The following GSK3B variants were observed in gnomAD, a reference collection of about 807,000 sequenced individuals.
The protein encoded by GSK3B is glycogen synthase kinase-3 beta.
In GSK3B, 15 loss-of-function variants were observed where a neutral mutation model predicts 56.4. That is an observed-to-expected ratio of 0.27 (90% CI 0.18 to 0.41). The LOEUF (loss-of-function observed/expected upper bound fraction) is 0.41, where lower values mean the gene tolerates loss of function less well. GSK3B is among the 10% of genes least tolerant of loss of function. The pLI, the probability that GSK3B is intolerant of heterozygous loss-of-function variation, is 1.00. For missense variants in GSK3B, 300 were observed against 513.4 expected (o/e 0.58, Z 4.02); for synonymous variants, 181 against 188.9 (o/e 0.96, Z 0.34).
rs369930822 is a variant in GSK3B, at chr3:120,093,339, A to G, written c.88+8T>C. The stretch of plus-strand genomic sequence containing the variant: ...GGAAAAGGGGTGTAAAATAAAACCA[A>G]TACTCACTGCTAACTTTCATGCTGC... On this transcript the variant is annotated splice_region_variant and intron_variant, in intron 1 of 10. Coordinates refer to ENST00000264235, the MANE Select transcript of GSK3B (RefSeq NM_001146156.2). 2.5e-6 allele frequency: 4 copies of G among 1,585,814 alleles called. No homozygotes were observed. The highest frequency in any genetic ancestry group is 1.3e-5 in the African/African-American group (1 of 74,358).
At chr3:120,089,175 C>T (rs77026850) in intron 1 of GSK3B, among the ~76,000 whole-genome samples, 3,942 of 152,292 alleles carry the variant, frequency 0.026, 174 homozygotes, top group African/African-American at 0.089. Context: ...ATGCAGTTCC[C>T]AATCAGCCAT....
rs541209759 is a variant in GSK3B at position 119,923,536 on chromosome 3, T to C, written c.367-53A>G. The C allele has an allele frequency of 6.3e-6, 5 of 788,872 alleles. 1 individual carries two copies. In the South Asian group the frequency reaches 9.2e-5, roughly 14 times the overall value. 48.9% of individuals were successfully genotyped at this position (788,872 alleles called of 1,614,324 possible). On this transcript the variant is annotated intron_variant, in intron 3 of 10. Transcript: ENST00000264235. ...AAACAAAACAGATTAGAAACTGGTCTTTAAATATTCAAATTAGAGTAAATT... is the reference window on the plus strand; with the variant it reads ...AAACAAAACAGATTAGAAACTGGTCCTTAAATATTCAAATTAGAGTAAATT...
At chr3:119,969,019 T>TGATG (rs1159658436) in intron 2 of GSK3B, among the ~76,000 whole-genome samples, 7 of 151,890 alleles carry the variant, frequency 4.6e-5, no homozygotes, top group Admixed American at 2.0e-4. Context: ...AGGCCGGGAG[T>TGATG]GATGGCTCAT....
chr3:119,929,118 A>G (rs1027493320), intron 3 of GSK3B, among the ~76,000 whole-genome samples: 1 of 152,218 alleles, frequency 6.6e-6, no homozygotes, highest in African/African-American at 2.4e-5. Flanking sequence ...TAGGGGTAAC[A>G]AGAGTAATGC....
rs559113849 is a variant in GSK3B, at chr3:119,995,511, C to T, written c.282+6535G>A. The stretch of plus-strand genomic sequence containing the variant: ...GACGGAGTCTCACTCTGTCACCAGG[C>T]TGGAGTGCAGTGGCGCGATCTCAGC... On this transcript the variant is annotated intron_variant, in intron 2 of 10. Coordinates refer to ENST00000264235, the MANE Select transcript of GSK3B (RefSeq NM_001146156.2). 3.3e-5 allele frequency among the ~76,000 whole-genome samples: 5 copies of T among 151,908 alleles called. No homozygotes were observed. The East Asian group carries it at 9.7e-4, about 29-fold the overall frequency.
intron 7 of GSK3B, among the ~76,000 whole-genome samples, chr3:119,881,300 A>G (rs1559820841): frequency 6.6e-6 from 1 of 152,204 alleles, no homozygotes. Context: ...AAACATAAGT[A>G]TATTCATCAT....
intron 1 of GSK3B, among the ~76,000 whole-genome samples, chr3:120,012,407 C>T (rs28709836): frequency 0.018 from 2,774 of 152,224 alleles, 90 homozygotes; most frequent in African/African-American, 0.064. Flanking sequence ...ATGGCACTAG[C>T]GATTATAATA....
chr3:120,026,161 C>T (rs2107515360), intron 1 of GSK3B, among the ~76,000 whole-genome samples: 1 of 152,176 alleles, frequency 6.6e-6, no homozygotes, highest in Middle Eastern at 3.4e-3. Flanking sequence ...AAAAAATAAA[C>T]ACTCAAGGCT....
chr3:119,946,885 T>C (rs1039714795), intron 3 of GSK3B, among the ~76,000 whole-genome samples: 1 of 152,152 alleles, frequency 6.6e-6, no homozygotes, highest in Admixed American at 6.5e-5. Flanking sequence ...GCTACCTCTT[T>C]ACCTCTTATC....
At chr3:120,001,274 G>A (rs947390253) in intron 2 of GSK3B, among the ~76,000 whole-genome samples, 2 of 152,104 alleles carry the variant, frequency 1.3e-5, no homozygotes, top group African/African-American at 2.4e-5. Flanking sequence ...GCTCACGCCT[G>A]TAATCCCAGC....
At chr3:119,873,598 C>G (rs2056273786) in intron 8 of GSK3B, among the ~76,000 whole-genome samples, 1 of 152,100 alleles carries the variant, frequency 6.6e-6, no homozygotes. Context: ...AAGTTGCTGT[C>G]CACTATCACA....
chr3:119,950,817 T>C (rs1020474311), intron 2 of GSK3B, among the ~76,000 whole-genome samples: 5 of 152,130 alleles, frequency 3.3e-5, no homozygotes, highest in Non-Finnish European at 5.9e-5. Context: ...TAGAGGAAAA[T>C]GGCCTTCTTT....
chr3:119,928,433 G>A (rs949107425), intron 3 of GSK3B, among the ~76,000 whole-genome samples: 39 of 151,396 alleles, frequency 2.6e-4, no homozygotes, highest in Middle Eastern at 3.4e-3. Flanking sequence ...GTGAAACCCC[G>A]TCTCTACTAA....
At chr3:120,038,781 G>A (rs540026991) in intron 1 of GSK3B, among the ~76,000 whole-genome samples, 9 of 151,218 alleles carry the variant, frequency 6.0e-5, no homozygotes, top group African/African-American at 2.2e-4. Flanking sequence ...TTGGTTTGAC[G>A]AGGACTTTTT....
At chr3:119,919,296 G>C (rs2056812593) in intron 4 of GSK3B, among the ~76,000 whole-genome samples, 1 of 152,084 alleles carries the variant, frequency 6.6e-6, no homozygotes, top group Non-Finnish European at 1.5e-5. Flanking sequence ...GAAGGCAAGA[G>C]TTACTTGCAT....
intron 9 of GSK3B, among the ~76,000 whole-genome samples, chr3:119,843,956 G>A (rs1395991388): frequency 1.3e-5 from 2 of 152,078 alleles, no homozygotes; most frequent in African/African-American, 4.8e-5. Flanking sequence ...CCAAAGAACA[G>A]AAATCATAAC....
At chr3:120,025,107 C>T (rs560753311) in intron 1 of GSK3B, among the ~76,000 whole-genome samples, 7 of 152,116 alleles carry the variant, frequency 4.6e-5, no homozygotes, top group African/African-American at 7.2e-5. Context: ...GTCTGTAATC[C>T]CAGTACTTTG....
chr3:119,913,172 C>T (rs1372982780), intron 5 of GSK3B, among the ~76,000 whole-genome samples: 1 of 152,040 alleles, frequency 6.6e-6, no homozygotes, highest in Non-Finnish European at 1.5e-5. Context: ...AAAAGCATGA[C>T]AATGGATTCT....
intron 1 of GSK3B, among the ~76,000 whole-genome samples, chr3:120,028,534 C>T (rs1197008054): frequency 6.6e-6 from 1 of 152,238 alleles, no homozygotes; most frequent in Non-Finnish European, 1.5e-5. Context: ...CATGCCCCTA[C>T]TACTCTACAC....
Sources: gnomAD v4.1 joint callset for allele counts (sites outside exome capture counted in the v4.1 genomes callset) on GRCh38, gnomAD v4.1.1 for gene constraint, MANE v1.5 for transcripts, NCBI Gene and HGNC (gene_info 2026-07-23, HGNC 2026-07-21) for gene names.